Variants in ASB4 observed in about 807,000 individuals in gnomAD.
ASB4 encodes the protein ankyrin repeat and SOCS box containing 4, also known as ankyrin repeat and SOCS box protein 4.
ASB4 carries 35 observed loss-of-function variants against 38.6 expected under a neutral mutation model. The observed-to-expected ratio is 0.91, with a 90% CI of 0.69 to 1.20. ASB4 has a LOEUF of 1.20. Among genes scored for constraint, ASB4 ranks in the 50% most tolerant of loss-of-function variants. ASB4 has a pLI of 0.00. For synonymous variants in ASB4, 195 were observed against 201.3 expected (o/e 0.97, Z 0.26); for missense variants, 557 against 527.2 (o/e 1.06, Z -0.55).
rs746173040 is a variant in ASB4 at position 95,528,064 on chromosome 7, G to A, written c.739G>A (p.Ala247Thr). ...GCTTGACTACAAAGCCGAAGTCAAT[G>A]CCCGAGATGACGACTTTAAATCTCC... ...MLLDYKAEVNARDDDFKSPLH... is the reference protein window; with the variant it reads ...MLLDYKAEVNTRDDDFKSPLH... The change falls in exon 3 of 5, where the codon GCC (alanine) becomes ACC (threonine). Residue 247 changes from alanine (A) to threonine (T), a missense_variant. Transcript: ENST00000325885. 3 of 1,614,036 alleles carry A rather than the reference G, an allele frequency of 1.9e-6. No homozygotes were observed. Among genetic ancestry groups the A allele is most frequent in the South Asian group, 2.2e-5 (2 of 91,086 alleles).
upstream of ASB4, among the ~76,000 whole-genome samples, chr7:95,474,890 G>A (rs1789961220): frequency 6.6e-6 from 1 of 152,222 alleles, no homozygotes; most frequent in African/African-American, 2.4e-5. Flanking sequence ...CCCCAAATAG[G>A]CATGTAGTTA....
chr7:95,537,435 G>T, intron 4 of ASB4, 136 bp from the exon 5 acceptor site: 1 of 584,456 alleles, frequency 1.7e-6, no homozygotes, highest in Non-Finnish European at 2.9e-6. Context: ...TCAATATTGC[G>T]TTTAATTTTT....
chr7:95,482,807 G>A (rs867243590), upstream of ASB4, among the ~76,000 whole-genome samples: 3 of 152,168 alleles, frequency 2.0e-5, no homozygotes, highest in Non-Finnish European at 2.9e-5. Flanking sequence ...TGATCCAGGG[G>A]TCAGATGGCA....
chr7:95,480,823 A>G (rs1190793781), intron 1 of ASB4, among the ~76,000 whole-genome samples: 1 of 152,224 alleles, frequency 6.6e-6, no homozygotes. Context: ...TTTTGAGGTT[A>G]TTTGCTATGC....
In ASB4 at chr7:95,486,086, C is replaced by G. The variant is rs201275152; in HGVS notation, c.115C>G (p.Gln39Glu). 6.2e-7 allele frequency: 1 copy of G among 1,613,796 alleles called. No individual in the cohort carries two copies. The highest frequency in any genetic ancestry group is 8.5e-7 in the Non-Finnish European group (1 of 1,179,952). Residue 39 changes from glutamine to glutamate, a missense_variant, in exon 1 of 5, where the codon CAA becomes GAA. Physicochemically the swap from Gln to Glu is conservative, Grantham distance 29. Transcript: ENST00000325885. ...DFGKLKAILI[Q>E]RQIDVDTVFE... The stretch of plus-strand genomic sequence containing the variant: ...CGGAAAATTGAAGGCTATTTTGATC[C>G]AAAGGCAAATAGATGTGGACACTGT...
Position 95,528,131 on chromosome 7 carries a change from A to C in ASB4, c.806A>C (p.His269Pro), listed in dbSNP as rs774398851. ...TGGAACTGTGACCACGTGCTCATGC[A>C]CATGATGCTGGAAGCTGGCGCCGAA... ...AAWNCDHVLM[H>P]MMLEAGAEAN... Residue 269 changes from histidine (H) to proline (P), a missense_variant, in exon 3 of 5, where the codon CAC becomes CCC. Coordinates refer to ENST00000325885, the MANE Select transcript of ASB4 (RefSeq NM_016116.3). 4.3e-6 allele frequency: 7 copies of C among 1,614,218 alleles called. No homozygotes were observed. In the South Asian group the frequency reaches 7.7e-5, roughly 18 times the overall value.
At chr7:95,510,076 C>T (rs1269394470) in intron 2 of ASB4, among the ~76,000 whole-genome samples, 2 of 151,954 alleles carry the variant, frequency 1.3e-5, no homozygotes, top group Admixed American at 1.3e-4. Context: ...ATATCAGAAT[C>T]CTATTAGCTT....
intron 2 of ASB4, among the ~76,000 whole-genome samples, chr7:95,513,158 C>T (rs73235074): frequency 0.011 from 1,673 of 151,152 alleles, 11 homozygotes; most frequent in Non-Finnish European, 0.017. Flanking sequence ...TGGGAAGCCT[C>T]TAGAAGCTGG....
At chr7:95,482,751 C>T (rs1790031496), upstream of ASB4, among the ~76,000 whole-genome samples, 1 of 152,068 alleles carries the variant, frequency 6.6e-6, no homozygotes, top group African/African-American at 2.4e-5. Flanking sequence ...ACCCTTGTAG[C>T]TAGGAAGGCT....
chr7:95,543,948 G>A (rs1045717787), downstream of ASB4: 1 of 151,872 alleles, frequency 6.6e-6, no homozygotes, highest in African/African-American at 2.4e-5. Flanking sequence ...TTAGAGCACC[G>A]TCATGATGTT....
chr7:95,497,551 TA>T (rs1790269492), intron 2 of ASB4, among the ~76,000 whole-genome samples: 1 of 152,176 alleles, frequency 6.6e-6, no homozygotes, highest in South Asian at 2.1e-4. Context: ...ATCCATTTTT[TA>T]AAAAGTCAGT....
At chr7:95,528,400 C>T in intron 3 of ASB4, 97 bp downstream of exon 3, 4 of 1,577,022 alleles carry the variant, frequency 2.5e-6, no homozygotes, top group Middle Eastern at 1.7e-4. Context: ...AGGCTTGAGT[C>T]CTGGGCTAAC....
chr7:95,547,460 A>G, the ASB4 span, among the ~76,000 whole-genome samples: 1 of 152,214 alleles, frequency 6.6e-6, no homozygotes, highest in African/African-American at 2.4e-5. Context: ...CATATTTTGC[A>G]TATATTAGTA....
At chr7:95,500,148 A>G (rs1017807708) in intron 2 of ASB4, among the ~76,000 whole-genome samples, 4 of 152,152 alleles carry the variant, frequency 2.6e-5, no homozygotes, top group African/African-American at 9.7e-5. Flanking sequence ...CCAGCCAAAA[A>G]ATGAGAGGAG....
intron 2 of ASB4, among the ~76,000 whole-genome samples, chr7:95,502,560 G>T (rs1333134428): frequency 6.6e-6 from 1 of 152,022 alleles, no homozygotes; most frequent in Non-Finnish European, 1.5e-5. Flanking sequence ...TCTGAACTAG[G>T]TTATACCTAA....
At chr7:95,502,843 T>A (rs1790360316) in intron 2 of ASB4, among the ~76,000 whole-genome samples, 1 of 152,082 alleles carries the variant, frequency 6.6e-6, no homozygotes, top group Non-Finnish European at 1.5e-5. Flanking sequence ...GTATTTAGAG[T>A]CTCAAAAAAT....
chr7:95,493,491 C>T (rs537455735), intron 1 of ASB4, among the ~76,000 whole-genome samples: 5 of 152,152 alleles, frequency 3.3e-5, no homozygotes, highest in South Asian at 2.1e-4. Flanking sequence ...AATCACTGTG[C>T]ACAACCTTGT....
upstream of ASB4, among the ~76,000 whole-genome samples, chr7:95,482,517 C>G (rs868137616): frequency 3.0e-4 from 45 of 152,274 alleles, no homozygotes; most frequent in Middle Eastern, 3.4e-3. Flanking sequence ...CAGACACTTA[C>G]AAAGACAGCC....
chr7:95,513,930 G>A (rs552850897), intron 2 of ASB4, among the ~76,000 whole-genome samples: 19 of 152,220 alleles, frequency 1.2e-4, no homozygotes, highest in African/African-American at 4.1e-4. Flanking sequence ...CATCATCCAC[G>A]AAGGATTTCG....
Sources: gnomAD v4.1 joint callset for allele counts (sites outside exome capture counted in the v4.1 genomes callset) on GRCh38, gnomAD v4.1.1 for gene constraint, MANE v1.5 for transcripts, NCBI Gene and HGNC (gene_info 2026-07-23, HGNC 2026-07-21) for gene names.